The following PDS5A variants were observed in gnomAD, a reference collection of about 807,000 sequenced individuals.
The protein encoded by PDS5A is PDS5 cohesin associated factor A.
A neutral mutation model predicts 167.1 loss-of-function variants in PDS5A; 42 were observed. The ratio of observed to expected loss-of-function variants is 0.25; its 90% confidence interval spans 0.20 to 0.33. PDS5A has a LOEUF of 0.33. PDS5A is among the 10% of genes least tolerant of loss of function. The pLI is 1.00. For missense variants in PDS5A, 1,033 were observed against 1,605.9 expected, an observed-to-expected ratio of 0.64 and a Z score of 6.10; for synonymous variants, 553 against 554.6, an observed-to-expected ratio of 1.00 and a Z score of 0.04.
intron 11 of PDS5A, among the ~76,000 whole-genome samples, chr4:39,907,043 T>C (rs1203374381): frequency 6.6e-6 from 1 of 151,148 alleles, no homozygotes; most frequent in African/African-American, 2.4e-5. Context: ...TCAGAAAATA[T>C]CCAGTAGGTG....
At chr4:39,954,903 G>A (rs1320091605) in intron 2 of PDS5A, among the ~76,000 whole-genome samples, 1 of 151,908 alleles carries the variant, frequency 6.6e-6, no homozygotes, top group Non-Finnish European at 1.5e-5. Context: ...AGCTAGGCGT[G>A]GTAGCACATG....
At chr4:39,886,882 A>G (rs931235905) in intron 17 of PDS5A, among the ~76,000 whole-genome samples, 1 of 151,700 alleles carries the variant, frequency 6.6e-6, no homozygotes, top group African/African-American at 2.4e-5. Context: ...TATTCTTTGT[A>G]GCTATTATAA....
chr4:39,868,870 A>G (rs1385865021), intron 22 of PDS5A: 2 of 346,834 alleles, frequency 5.8e-6, no homozygotes, highest in African/African-American at 4.3e-5. Context: ...AGAAGATGAT[A>G]CAATCTTATT....
At chr4:39,918,095 T>C (rs1472670736) in intron 7 of PDS5A, among the ~76,000 whole-genome samples, 2 of 150,622 alleles carry the variant, frequency 1.3e-5, no homozygotes, top group African/African-American at 2.4e-5. Context: ...AGGGGGATCA[T>C]TTAAGCCCCA....
At position 39,913,747 on chromosome 4, in the gene PDS5A, G is replaced by C. The variant is rs543910711; in HGVS notation, c.877-21C>G. The stretch of plus-strand genomic sequence containing the variant: ...TTGCTCTAAGAAGGGAAAACAGAAA[G>C]TGAAGCCTAAGCTTTATTCACCAGA... On this transcript the variant is annotated intron_variant, in intron 8 of 32. Transcript: ENST00000303538. 4.9e-6 allele frequency: 6 copies of C among 1,233,750 alleles called. No homozygotes were observed. The African/African-American group carries it at 8.9e-5, about 18-fold the overall frequency. 76.4% of individuals were successfully genotyped at this position (1,233,750 alleles called of 1,614,324 possible). A position where few individuals can be genotyped will look rare whatever the true frequency, so the allele number is the denominator to read the frequency against.
intron 29 of PDS5A, 105 bp downstream of exon 29, chr4:39,845,713 A>C (rs1179728930): frequency 1.7e-6 from 2 of 1,169,928 alleles, no homozygotes; most frequent in Non-Finnish European, 2.2e-6. Context: ...GATCCCTAAG[A>C]ATCAGGAACT....
At chr4:39,900,788 A>G (rs1326277221) in intron 13 of PDS5A, among the ~76,000 whole-genome samples, 1 of 152,218 alleles carries the variant, frequency 6.6e-6, no homozygotes, top group African/African-American at 2.4e-5. Context: ...AAGTTTTGGT[A>G]CAAGGAAAGA....
At chr4:39,834,434 A>G (rs533479898) in intron 32 of PDS5A, among the ~76,000 whole-genome samples, 2 of 152,324 alleles carry the variant, frequency 1.3e-5, no homozygotes, top group African/African-American at 4.8e-5. Flanking sequence ...CACCATGACA[A>G]TGTTCTCGCT....
chr4:39,867,264 A>G (rs1719542385), intron 22 of PDS5A, among the ~76,000 whole-genome samples: 1 of 152,038 alleles, frequency 6.6e-6, no homozygotes, highest in African/African-American at 2.4e-5. Context: ...TTTCCAACAG[A>G]TAAGGCAATT....
chr4:39,935,683 A>G (rs1457220525), intron 2 of PDS5A, among the ~76,000 whole-genome samples: 1 of 152,192 alleles, frequency 6.6e-6, no homozygotes, highest in South Asian at 2.1e-4. Context: ...TTTATTAAAA[A>G]GTTTTGAAAT....
intron 23 of PDS5A, among the ~76,000 whole-genome samples, chr4:39,864,046 C>T (rs1045740462): frequency 6.6e-6 from 1 of 151,976 alleles, no homozygotes; most frequent in Admixed American, 6.6e-5. Context: ...AGGAGAACTG[C>T]TTGAACCTGA....
At chr4:39,954,565 C>T (rs938629716) in intron 2 of PDS5A, among the ~76,000 whole-genome samples, 1 of 151,574 alleles carries the variant, frequency 6.6e-6, no homozygotes, top group Non-Finnish European at 1.5e-5. Context: ...AGGTGATCCA[C>T]CCGCCTTGGC....
intron 17 of PDS5A, among the ~76,000 whole-genome samples, chr4:39,889,482 G>C (rs775538893): frequency 6.6e-6 from 1 of 152,238 alleles, no homozygotes; most frequent in Non-Finnish European, 1.5e-5. Context: ...TACTGGAACT[G>C]ATCTCTGAAT....
At chr4:39,909,187 G>C (rs762792261) in intron 10 of PDS5A, among the ~76,000 whole-genome samples, 2 of 151,680 alleles carry the variant, frequency 1.3e-5, no homozygotes, top group African/African-American at 4.8e-5. Flanking sequence ...GTGTAATAGA[G>C]CAATCTCGGT....
In PDS5A at chr4:39,841,430, C is replaced by T. The variant is rs1717004069; in HGVS notation, c.3657+518G>A. On this transcript the variant is annotated intron_variant, in intron 31 of 32. Transcript: ENST00000303538. ...GGGATTACAGGCATGAGCCAACGCA[C>T]CAGGCCTCAATTCCTATTCTTTAAA... Among the ~76,000 whole-genome samples the T allele has an allele frequency of 2.0e-5, 3 of 152,150 alleles. No homozygotes were observed. The South Asian group carries it at 6.2e-4, about 31-fold the overall frequency.
chr4:39,949,718 C>T (rs959273218), intron 2 of PDS5A, among the ~76,000 whole-genome samples: 2 of 146,868 alleles, frequency 1.4e-5, no homozygotes, highest in Non-Finnish European at 3.0e-5. Flanking sequence ...CCCGGCTACG[C>T]AGGAGGCTGG....
In PDS5A at chr4:39,922,760, A is replaced by AG; in HGVS notation, c.528-13_528-12insC. On this transcript the variant is annotated splice_polypyrimidine_tract_variant and intron_variant, in intron 5 of 32. Transcript: ENST00000303538. ...TATTGTGGCTATTGCTATAAAAAAA[A>AG]AAAAAAAAGAATAAGTAGTAGGAGG... 6 of 1,477,548 alleles carry AG rather than the reference A, an allele frequency of 4.1e-6. No individual in the cohort carries two copies. Among genetic ancestry groups the AG allele is most frequent in the Non-Finnish European group, 4.5e-6 (5 of 1,113,346 alleles). The allele number at this position is 1,477,548 out of a possible 1,614,324, so 91.5% of individuals were successfully genotyped here.
At chr4:39,863,788 A>G (rs2109549170) in intron 23 of PDS5A, among the ~76,000 whole-genome samples, 1 of 152,314 alleles carries the variant, frequency 6.6e-6, no homozygotes, top group Non-Finnish European at 1.5e-5. Context: ...TCTTTACATC[A>G]GGAGCTGTAT....
intron 2 of PDS5A, among the ~76,000 whole-genome samples, chr4:39,970,615 T>C (rs1412648292): frequency 1.3e-5 from 2 of 151,754 alleles, no homozygotes. Context: ...AAAGTAAATA[T>C]GGCGTTATTG....
Sources: allele counts gnomAD v4.1 joint callset (sites outside exome capture counted in the v4.1 genomes callset), GRCh38; gene constraint gnomAD v4.1.1; transcripts MANE v1.5; gene names NCBI Gene and HGNC (gene_info 2026-07-23, HGNC 2026-07-21).